Variants in DENND2D observed in about 807,000 individuals in gnomAD.
DENND2D encodes the protein DENN domain-containing protein 2D.
DENND2D carries 37 observed loss-of-function variants against 59.8 expected under a neutral mutation model. The observed-to-expected ratio is 0.62, with a 90% confidence interval of 0.48 to 0.81. DENND2D has a LOEUF of 0.81. Ranked by LOEUF, DENND2D falls within the 40% of genes least tolerant of loss-of-function variation. The probability of loss-of-function intolerance (pLI) is 0.00; values close to 1 mark genes in which losing one functional copy is unlikely to be tolerated. For missense variants in DENND2D, 525 were observed against 579.7 expected (o/e 0.91, Z 0.97); for synonymous variants, 219 against 211.3 (o/e 1.04, Z -0.31).
chr1:111,188,614 A>AT lies in DENND2D; in HGVS notation c.1099+87dup. The AT allele has an allele frequency of 4.5e-6, 6 of 1,325,278 alleles. No homozygotes were observed. The South Asian group carries it at 7.4e-5, about 16-fold the overall frequency. The allele number at this position is 1,325,278 out of a possible 1,614,324, so 82.1% of individuals were successfully genotyped here. A position where few individuals can be genotyped will look rare whatever the true frequency, so the allele number is the denominator to read the frequency against. ...TCTAGGGCTGGTCTAGGACTACTGAATGAGTTCATTTTAGTTCTGGAAGGG... is the reference window on the plus strand; with the variant it reads ...TCTAGGGCTGGTCTAGGACTACTGAATTGAGTTCATTTTAGTTCTGGAAGGG... On this transcript the variant is annotated intron_variant, in intron 10 of 11. Coordinates refer to ENST00000357640, the MANE Select transcript of DENND2D (RefSeq NM_024901.5).
At position 111,189,371 on chromosome 1, in the gene DENND2D, A is replaced by T. The variant is rs749532437; in HGVS notation, c.973-118T>A. On this transcript the variant is annotated intron_variant, in intron 8 of 11. Transcript: ENST00000357640. ...TTCAGCCCAGGTAGCAACAAAATCA[A>T]TATCTTCAGTTCTCATTTCCTATCT... 9 of 996,130 alleles carry T rather than the reference A, an allele frequency of 9.0e-6. No homozygotes were observed. The African/African-American group carries it at 1.3e-4, about 14-fold the overall frequency. The allele number at this position is 996,130 out of a possible 1,614,324, so 61.7% of individuals were successfully genotyped here. A position where few individuals can be genotyped will look rare whatever the true frequency, so the allele number is the denominator to read the frequency against.
Position 111,194,687 on chromosome 1 carries a change from G to A in DENND2D, c.685C>T (p.His229Tyr). 15 of 1,614,098 alleles carry A rather than the reference G, an allele frequency of 9.3e-6. No individual in the cohort carries two copies. Among genetic ancestry groups the A allele is most frequent in the Non-Finnish European group, 1.3e-5 (15 of 1,179,992 alleles). The stretch of plus-strand genomic sequence containing the variant: ...TGCAATAGAGAACTAAAATCCACAT[G>A]TTCTAGGTGGGAGTCCAGGGGCCGT... The part of the protein sequence containing the change: ...LTRPLDSHLE[H>Y]VDFSSLLHCL... Residue 229 changes from histidine (H) to tyrosine (Y), a missense_variant, in exon 7 of 12, where the codon CAT (histidine) becomes TAT (tyrosine). His to Tyr is a moderately conservative substitution (Grantham distance 83, BLOSUM62 2). This residue lies in a region of DENND2D where 47 missense variants were observed against 80.9 expected (regional missense o/e 0.58). Coordinates refer to ENST00000357640, the MANE Select transcript of DENND2D (RefSeq NM_024901.5).
Position 111,194,592 on chromosome 1 carries a change from C to A in DENND2D, c.780G>T (p.Leu260=). 7 of 1,613,930 alleles carry A rather than the reference C, an allele frequency of 4.3e-6. No individual in the cohort carries two copies. Among genetic ancestry groups the A allele is most frequent in the Non-Finnish European group, 5.1e-6 (6 of 1,179,986 alleles). The change falls in exon 7 of 12, where the codon CTG becomes CTT. Residue 260 remains leucine, a synonymous_variant. Coordinates refer to ENST00000357640, the MANE Select transcript of DENND2D (RefSeq NM_024901.5). ...SAVLERKIIF[L]AEGLSTLSQC... ...GCTGGGCCCACCTGAGACCTTCCGC[C>A]AGGAAGATGATTTTTCTCTCCAGCA...
At chr1:111,196,979 G>A (rs1022955191) in intron 5 of DENND2D, 197 bp downstream of exon 5, 6 of 604,310 alleles carry the variant, frequency 9.9e-6, no homozygotes, top group African/African-American at 9.3e-5. Flanking sequence ...TCTGCAAGAG[G>A]TCCAGTCCCC....
At chr1:111,198,518 C>T (rs996713496) in intron 3 of DENND2D, 112 bp downstream of exon 3, 12 of 1,080,478 alleles carry the variant, frequency 1.1e-5, no homozygotes, top group African/African-American at 9.3e-5. Flanking sequence ...AATTACACTC[C>T]CAGGCCGAAA....
upstream of DENND2D, among the ~76,000 whole-genome samples, chr1:111,202,084 C>T (rs1173292130): frequency 1.3e-5 from 2 of 152,184 alleles, no homozygotes. Context: ...ATGCTCCTGC[C>T]TTCTGGATGC....
chr1:111,189,718 T>C (rs1657554507), intron 8 of DENND2D, among the ~76,000 whole-genome samples: 1 of 152,174 alleles, frequency 6.6e-6, no homozygotes, highest in Non-Finnish European at 1.5e-5. Flanking sequence ...ATGCTGCTAA[T>C]AAGAGAACCA....
chr1:111,202,725 A>ACACACACACTCC (rs1315861220), upstream of DENND2D, among the ~76,000 whole-genome samples: 1 of 149,074 alleles, frequency 6.7e-6, no homozygotes, highest in Non-Finnish European at 1.5e-5. Context: ...ACACACACAC[A>ACACACACACTCC]CTCCCTCCTA....
Position 111,197,973 on chromosome 1 carries a change from C to A in DENND2D, c.373G>T (p.Val125Phe). ...TEYPRETFSF[V>F]LTNVDGSRKI... ...CTGCTCCCATCCACATTGGTCAGAA[C>A]GAAGGAGAAGGTCTCCCTAAGAAAG... Residue 125 changes from valine (V) to phenylalanine (F), a missense_variant, in exon 4 of 12, where the codon GTT becomes TTT. Coordinates refer to ENST00000357640, the MANE Select transcript of DENND2D (RefSeq NM_024901.5). 1 of 1,614,058 alleles carries A rather than the reference C, an allele frequency of 6.2e-7. No individual in the cohort carries two copies. Among genetic ancestry groups the A allele is most frequent in the Non-Finnish European group, 8.5e-7 (1 of 1,179,996 alleles).
rs1275679944 is a variant in DENND2D at position 111,186,192 on chromosome 1, T to C, written c.*1413A>G. On this transcript the variant is annotated 3_prime_UTR_variant, in exon 12 of 12. Coordinates refer to ENST00000357640, the MANE Select transcript of DENND2D (RefSeq NM_024901.5). ...TATCACTAGAGATGATTTGGTGTATTTGTGATGAGGCATAAGAGGATATTT... is the reference window on the plus strand; with the variant it reads ...TATCACTAGAGATGATTTGGTGTATCTGTGATGAGGCATAAGAGGATATTT... Among the ~76,000 whole-genome samples the C allele has an allele frequency of 2.0e-5, 3 of 152,324 alleles. No individual in the cohort carries two copies. The South Asian group carries it at 6.2e-4, about 32-fold the overall frequency.
Position 111,196,272 on chromosome 1 carries a change from G to A in DENND2D, c.505-216C>T. ...GCAGTTTATCTCCCACATAAGACCT[G>A]CCTTCTTCCAGCTTCCTTTTTATTA... On this transcript the variant is annotated intron_variant, in intron 5 of 11. Transcript: ENST00000357640. The A allele has an allele frequency of 8.4e-6, 4 of 478,556 alleles. No individual in the cohort carries two copies. In the South Asian group the frequency reaches 9.4e-5, roughly 11 times the overall value. 29.6% of individuals were successfully genotyped at this position (478,556 alleles called of 1,614,324 possible). A position where few individuals can be genotyped will look rare whatever the true frequency, so the allele number is the denominator to read the frequency against.
chr1:111,200,377 GCAGTC>G lies in DENND2D; in HGVS notation c.67+11_67+15del. 1 of 1,609,374 alleles carries G rather than the reference GCAGTC, an allele frequency of 6.2e-7. No individual in the cohort carries two copies. Among genetic ancestry groups the G allele is most frequent in the Non-Finnish European group, 8.5e-7 (1 of 1,177,616 alleles). On this transcript the variant is annotated intron_variant, in intron 1 of 11. Transcript: ENST00000357640. ...GGTCACCCTAAAAACAAGGAAGTAGGCAGTCCAGTCCTGACCTGCTCGGAGTTGAA... is the reference window on the plus strand; with the variant it reads ...GGTCACCCTAAAAACAAGGAAGTAGGCAGTCCTGACCTGCTCGGAGTTGAA...
intron 4 of DENND2D, chr1:111,197,706 C>A: frequency 7.1e-7 from 1 of 1,417,454 alleles, no homozygotes; most frequent in Non-Finnish European, 9.2e-7. Context: ...GAGCACAGAC[C>A]AGAGCCTGAC....
upstream of DENND2D, chr1:111,204,149 C>A (rs1174864709): frequency 3.7e-6 from 3 of 805,708 alleles, no homozygotes; most frequent in Non-Finnish European, 5.2e-6. Flanking sequence ...CGCTCACCTG[C>A]CCCCGCGCAG....
chr1:111,187,918 G>A (rs1288214683), intron 11 of DENND2D, among the ~76,000 whole-genome samples: 1 of 152,198 alleles, frequency 6.6e-6, no homozygotes. Context: ...AAAGGGCTCA[G>A]TCCTGTTCAC....
chr1:111,191,886 A>G (rs751811163), intron 8 of DENND2D, among the ~76,000 whole-genome samples: 1 of 152,324 alleles, frequency 6.6e-6, no homozygotes, highest in Middle Eastern at 3.4e-3. Flanking sequence ...CTAAAGGGGA[A>G]TCCTTCAGAA....
chr1:111,202,290 A>G (rs550726511), upstream of DENND2D: 3 of 151,994 alleles, frequency 2.0e-5, no homozygotes, highest in South Asian at 6.2e-4. Context: ...AAAGAAAGTA[A>G]TTAGACTTTT....
chr1:111,199,043 G>T (rs1658539145), intron 2 of DENND2D, among the ~76,000 whole-genome samples: 1 of 152,204 alleles, frequency 6.6e-6, no homozygotes, highest in Admixed American at 6.5e-5. Context: ...ATATAGAAAG[G>T]CCCTGAAATG....
chr1:111,201,112 T>G (rs1658762176), upstream of DENND2D: 2 of 154,018 alleles, frequency 1.3e-5, no homozygotes, highest in Admixed American at 1.3e-4. Context: ...CTGATTAAGA[T>G]AAATAGACTT....
Sources: gnomAD v4.1 joint callset for allele counts (sites outside exome capture counted in the v4.1 genomes callset) on GRCh38, gnomAD v4.1.1 for gene constraint, gnomAD v4.1.1 regional missense constraint, MANE v1.5 for transcripts, NCBI Gene and HGNC (gene_info 2026-07-23, HGNC 2026-07-21) for gene names.